Variants in EVC2 observed in about 807,000 individuals in gnomAD.
EVC2 encodes limbin.
EVC2 carries 148 observed loss-of-function variants against 149.3 expected under a neutral mutation model. The observed-to-expected ratio is 0.99, with a 90% CI of 0.87 to 1.14. The LOEUF (loss-of-function observed/expected upper bound fraction) is 1.14. EVC2 is among the 50% of genes most tolerant of loss of function. The probability of loss-of-function intolerance (pLI) is 0.00; values close to 1 mark genes in which losing one functional copy is unlikely to be tolerated. For synonymous variants in EVC2, 776 were observed against 649.9 expected (o/e 1.19, Z -2.95); for missense variants, 1,854 against 1,627.3 (o/e 1.14, Z -2.40).
chr4:5,613,456 A>G lies in EVC2; in HGVS notation c.2829+1966T>C, dbSNP rs907122527. On this transcript the variant is annotated intron_variant, in intron 16 of 21. Transcript: ENST00000344408. The surrounding 1 kb of genome is among the most constrained non-coding windows in gnomAD (Gnocchi z 4.6). ...CAGGGAAATGCTCCCTCTACCCCCGAGTATGGCTACTTCCTCCCTGTGCCA... is the reference window on the plus strand; with the variant it reads ...CAGGGAAATGCTCCCTCTACCCCCGGGTATGGCTACTTCCTCCCTGTGCCA... Among the ~76,000 whole-genome samples, 1 of 152,136 alleles carries G rather than the reference A, an allele frequency of 6.6e-6. No homozygotes were observed. Among genetic ancestry groups the G allele is most frequent in the South Asian group, 2.1e-4 (1 of 4,824 alleles).
chr4:5,665,440 G>A, intron 8 of EVC2, 75 bp downstream of exon 8: 2 of 1,604,900 alleles, frequency 1.2e-6, no homozygotes, highest in Non-Finnish European at 1.7e-6. Context: ...ATCCAGGGCT[G>A]AGACCCACAG....
intron 13 of EVC2, among the ~76,000 whole-genome samples, chr4:5,623,570 C>G (rs185345494): frequency 1.3e-5 from 2 of 152,078 alleles, no homozygotes; most frequent in East Asian, 3.9e-4. Flanking sequence ...GAACTCCTGA[C>G]CTCAAGTGAT....
chr4:5,657,678 C>T lies in EVC2; in HGVS notation c.1145+5429G>A, dbSNP rs554026878. On this transcript the variant is annotated intron_variant, in intron 9 of 21. Coordinates refer to ENST00000344408, the MANE Select transcript of EVC2 (RefSeq NM_147127.5). The surrounding 1 kb of genome is among the most constrained non-coding windows in gnomAD (Gnocchi z 4.7). ...TGAATCAGCAAGCAAGACAGAAGGT[C>T]CCTGCACTCACATAACTTACTGCTC... Among the ~76,000 whole-genome samples the T allele has an allele frequency of 9.2e-5, 14 of 151,584 alleles. No individual in the cohort carries two copies. The highest frequency in any genetic ancestry group is 2.1e-4 in the Non-Finnish European group (14 of 67,936).
At chr4:5,654,295 G>A (rs1191561403) in intron 9 of EVC2, among the ~76,000 whole-genome samples, 1 of 151,946 alleles carries the variant, frequency 6.6e-6, no homozygotes, top group Non-Finnish European at 1.5e-5. Context: ...GTCAGCCCTG[G>A]AGTCCAGGAA....
chr4:5,547,105 C>T (rs576875369), intron 21 of EVC2, among the ~76,000 whole-genome samples: 6 of 152,358 alleles, frequency 3.9e-5, no homozygotes, highest in African/African-American at 1.4e-4. Flanking sequence ...CTCAGAAATG[C>T]CTGCTCCCAC....
intron 16 of EVC2, among the ~76,000 whole-genome samples, chr4:5,598,031 A>T (rs1713611952): frequency 7.5e-6 from 1 of 134,120 alleles, no homozygotes; most frequent in Non-Finnish European, 1.6e-5. Flanking sequence ...GGACCTCTTC[A>T]AGGAGAACTA....
intron 16 of EVC2, 93 bp downstream of exon 16, chr4:5,615,329 C>T (rs745384051): frequency 1.4e-4 from 222 of 1,591,086 alleles, no homozygotes; most frequent in Non-Finnish European, 1.8e-4. Flanking sequence ...ATGGCACAGC[C>T]CCAAGGGCTC....
At chr4:5,570,794 C>T (rs1722598575) in intron 19 of EVC2, among the ~76,000 whole-genome samples, 1 of 152,092 alleles carries the variant, frequency 6.6e-6, no homozygotes, top group Non-Finnish European at 1.5e-5. Flanking sequence ...TATATATACA[C>T]CATAGAATAC....
At chr4:5,615,132 C>G (rs1202325134) in intron 16 of EVC2, among the ~76,000 whole-genome samples, 1 of 152,172 alleles carries the variant, frequency 6.6e-6, no homozygotes, top group African/African-American at 2.4e-5. Flanking sequence ...GGCACAAATA[C>G]AGCAAGTGAC....
rs757957131 is a variant in EVC2 at position 5,574,700 on chromosome 4, T to C, written c.3345A>G (p.Ala1115=). The stretch of plus-strand genomic sequence containing the variant: ...ACCTTCTCACCTGGCTGCACAGGGT[T>C]GCAAAGGTGTCTGCCTCCATGTTTT... ...LLENMEADTF[A]TLCSQELRLA... Residue 1115 remains alanine (A), a synonymous_variant, in exon 19 of 22, where the codon GCA becomes GCG. Transcript: ENST00000344408. The C allele has an allele frequency of 1.2e-6, 2 of 1,614,206 alleles. No individual in the cohort carries two copies. Among genetic ancestry groups the C allele is most frequent in the Non-Finnish European group, 1.7e-6 (2 of 1,180,030 alleles).
chr4:5,560,532 A>G (rs1326185210), downstream of EVC2, among the ~76,000 whole-genome samples: 2 of 152,172 alleles, frequency 1.3e-5, no homozygotes, highest in African/African-American at 2.4e-5. The surrounding 1 kb of genome is among the most constrained non-coding windows in gnomAD (Gnocchi z 4.1). Flanking sequence ...CGAGAACAGT[A>G]CAGGGGAAAC....
At chr4:5,664,700 TGGGCAGGACTAAGCCCCA>T (rs920563250) in intron 8 of EVC2, among the ~76,000 whole-genome samples, 4 of 152,112 alleles carry the variant, frequency 2.6e-5, no homozygotes, top group African/African-American at 7.2e-5. Context: ...CCAGAGCCCC[TGGGCAGGACTAAGCCCCA>T]GGGCAGGACT....
At chr4:5,612,779 G>A (rs1019920552) in intron 16 of EVC2, among the ~76,000 whole-genome samples, 1 of 151,830 alleles carries the variant, frequency 6.6e-6, no homozygotes, top group Non-Finnish European at 1.5e-5. Flanking sequence ...AAAATTAGCC[G>A]GGAGTAGTAG....
At chr4:5,534,417 T>C in the EVC2 span, among the ~76,000 whole-genome samples, 3 of 152,228 alleles carry the variant, frequency 2.0e-5, no homozygotes, top group Middle Eastern at 3.4e-3. Context: ...AGAGGCATCA[T>C]ATAAAGGTGA....
Position 5,618,628 on chromosome 4 carries a change from C to G in EVC2, c.2556G>C (p.Arg852Ser). 2 of 1,612,620 alleles carry G rather than the reference C, an allele frequency of 1.2e-6. No homozygotes were observed. The highest frequency in any genetic ancestry group is 1.7e-6 in the Non-Finnish European group (2 of 1,179,406). ...GAGCAAAGCAGCCATGGACCTCCTG[C>G]CTCATCCTGAGCAGCTCCTCTTCAG... Reference protein sequence around the residue: ...SLSEEELLRMRQEVHGCFAQM... With the variant: ...SLSEEELLRMSQEVHGCFAQM... Residue 852 changes from arginine (R) to serine (S), a missense_variant, in exon 15 of 22, where the codon AGG becomes AGC. Transcript: ENST00000344408. This position sits in a 1 kb window ranked among gnomAD's most constrained non-coding sequence, Gnocchi z 4.4.
At chr4:5,553,293 G>A (rs577896445) in intron 21 of EVC2, among the ~76,000 whole-genome samples, 1 of 152,278 alleles carries the variant, frequency 6.6e-6, no homozygotes, top group South Asian at 2.1e-4. Context: ...GCACTCACTC[G>A]CTATTGTGAG....
chr4:5,691,741 T>C (rs909569066), intron 3 of EVC2, among the ~76,000 whole-genome samples: 1 of 152,126 alleles, frequency 6.6e-6, no homozygotes, highest in African/African-American at 2.4e-5. Context: ...GCAGTGTGTC[T>C]GGGGGCTGGG....
chr4:5,697,566 G>C, intron 2 of EVC2, 27 bp downstream of exon 2: 1 of 1,613,298 alleles, frequency 6.2e-7, no homozygotes, highest in Non-Finnish European at 8.5e-7. Context: ...TCAAAACAGG[G>C]GAACATCAAC....
At chr4:5,558,722 G>A (rs960733922), downstream of EVC2, among the ~76,000 whole-genome samples, 13 of 152,208 alleles carry the variant, frequency 8.5e-5, no homozygotes, top group Non-Finnish European at 1.6e-4. Flanking sequence ...TTGGAAATGA[G>A]TGAAGTCTTT....
Sources: gnomAD v4.1 joint callset for allele counts (sites outside exome capture counted in the v4.1 genomes callset) on GRCh38, gnomAD v4.1.1 for gene constraint, Gnocchi (gnomAD v3.1) non-coding constraint, MANE v1.5 for transcripts, NCBI Gene and HGNC (gene_info 2026-07-23, HGNC 2026-07-21) for gene names.